Variants in GLDC observed in about 807,000 individuals in gnomAD.
GLDC encodes glycine dehydrogenase (decarboxylating), mitochondrial.
In GLDC, 104 loss-of-function variants were observed where a neutral mutation model predicts 121.3. That is an observed-to-expected ratio of 0.86 (90% CI 0.73 to 1.01). GLDC has a LOEUF of 1.01. Ranked by LOEUF, GLDC falls within the 50% of genes least tolerant of loss-of-function variation. The probability of loss-of-function intolerance (pLI) is 0.00; values close to 1 mark genes in which losing one functional copy is unlikely to be tolerated. For missense variants in GLDC, 1,429 were observed against 1,306.6 expected (o/e 1.09, Z -1.44); for synonymous variants, 546 against 480.6 (o/e 1.14, Z -1.78).
intron 22 of GLDC, 68 bp downstream of exon 22, chr9:6,539,983 C>G: frequency 1.0e-6 from 1 of 997,194 alleles, no homozygotes; most frequent in South Asian, 1.3e-5. Context: ...CCTGCATTTT[C>G]CATTTGTGCT....
chr9:6,566,583 C>T (rs945628656), intron 15 of GLDC: 1 of 152,118 alleles, frequency 6.6e-6, no homozygotes, highest in African/African-American at 2.4e-5. Context: ...CTGGAAGGCA[C>T]CACTTTCAGG....
intron 12 of GLDC, 76 bp from the exon 13 acceptor site, chr9:6,588,778 C>T: frequency 1.1e-6 from 1 of 883,198 alleles, no homozygotes; most frequent in Non-Finnish European, 1.9e-6. Context: ...ACATATAAGA[C>T]ACACCGAAAT....
chr9:6,601,604 T>C (rs767789793), intron 8 of GLDC, among the ~76,000 whole-genome samples: 8 of 151,804 alleles, frequency 5.3e-5, no homozygotes, highest in Non-Finnish European at 7.4e-5. Context: ...TAAAACACAG[T>C]GTCTTTTTCT....
At chr9:6,644,249 T>C (rs1819691940) in intron 2 of GLDC, among the ~76,000 whole-genome samples, 1 of 151,848 alleles carries the variant, frequency 6.6e-6, no homozygotes, top group African/African-American at 2.4e-5. Context: ...CTAGATCCTT[T>C]GAGTCTATCC....
intron 15 of GLDC, chr9:6,566,310 T>C (rs1052759089): frequency 2.0e-5 from 3 of 152,240 alleles, no homozygotes; most frequent in African/African-American, 4.8e-5. Flanking sequence ...TTTTTTCCTT[T>C]TTTTTTCCCT....
At chr9:6,555,644 T>C (rs1449099510) in intron 18 of GLDC, among the ~76,000 whole-genome samples, 6 of 151,684 alleles carry the variant, frequency 4.0e-5, no homozygotes, top group African/African-American at 1.2e-4. Context: ...TTAAAAAAAT[T>C]AGCTGGGTGT....
chr9:6,564,773 G>T (rs1007233906), intron 16 of GLDC, among the ~76,000 whole-genome samples: 1 of 152,242 alleles, frequency 6.6e-6, no homozygotes, highest in African/African-American at 2.4e-5. Context: ...GGTCCCCACA[G>T]TGGTCCCCAA....
intron 22 of GLDC, among the ~76,000 whole-genome samples, chr9:6,538,883 T>C (rs1404711942): frequency 6.6e-6 from 1 of 152,116 alleles, no homozygotes; most frequent in Non-Finnish European, 1.5e-5. Context: ...CAAGCAGAGA[T>C]CTTGAGGATG....
chr9:6,612,328 C>CT (rs1471083714), intron 3 of GLDC, among the ~76,000 whole-genome samples: 3 of 151,982 alleles, frequency 2.0e-5, no homozygotes, highest in Admixed American at 6.6e-5. Context: ...ATTTCAAAGT[C>CT]TCGATATTGT....
chr9:6,639,434 C>T, intron 2 of GLDC: 1 of 905,140 alleles, frequency 1.1e-6, no homozygotes, highest in African/African-American at 1.6e-5. Flanking sequence ...CACTTGTGTT[C>T]ATTGTGGATG....
chr9:6,548,582 C>T (rs920695478), intron 21 of GLDC, among the ~76,000 whole-genome samples: 1 of 152,150 alleles, frequency 6.6e-6, no homozygotes, highest in Non-Finnish European at 1.5e-5. Context: ...TAAGGTAAGA[C>T]CAGCCATTAA....
intron 16 of GLDC, among the ~76,000 whole-genome samples, chr9:6,563,925 G>A (rs1227153534): frequency 2.6e-5 from 4 of 151,938 alleles, no homozygotes; most frequent in African/African-American, 7.2e-5. Flanking sequence ...GAGCCCAGGA[G>A]TTCAAGGCTG....
At chr9:6,604,414 G>C (rs892072314) in intron 7 of GLDC, among the ~76,000 whole-genome samples, 174 bp downstream of exon 7, 1 of 152,168 alleles carries the variant, frequency 6.6e-6, no homozygotes, top group Non-Finnish European at 1.5e-5. Flanking sequence ...TATAGTATTT[G>C]AGAAGTACTA....
chr9:6,630,147 T>G (rs1405564663), intron 2 of GLDC, among the ~76,000 whole-genome samples: 2 of 151,438 alleles, frequency 1.3e-5, no homozygotes, highest in East Asian at 3.9e-4. Context: ...ATTGTGTATT[T>G]GTAATTAAAA....
intron 3 of GLDC, among the ~76,000 whole-genome samples, chr9:6,613,189 T>C (rs145862008): frequency 6.6e-6 from 1 of 152,376 alleles, no homozygotes; most frequent in African/African-American, 2.4e-5. Flanking sequence ...GATTATGTTA[T>C]ACATGTTCTT....
chr9:6,587,986 G>A (rs1017366393), intron 14 of GLDC, among the ~76,000 whole-genome samples: 24 of 152,024 alleles, frequency 1.6e-4, no homozygotes, highest in African/African-American at 5.8e-4. Flanking sequence ...CAAATCTTCT[G>A]TTGACTTGAA....
intron 8 of GLDC, 97 bp from the exon 9 acceptor site, chr9:6,595,216 C>A (rs1818468735): frequency 1.2e-6 from 1 of 839,658 alleles, no homozygotes; most frequent in Admixed American, 1.7e-5. Context: ...AAGACAGCGA[C>A]AAAACAAAAT....
intron 3 of GLDC, among the ~76,000 whole-genome samples, chr9:6,610,660 G>A (rs535368466): frequency 6.6e-6 from 1 of 152,260 alleles, no homozygotes; most frequent in East Asian, 1.9e-4. Flanking sequence ...GAGTGCAATA[G>A]CATGATCACG....
At chr9:6,604,556 CA>C in intron 7 of GLDC, 31 bp downstream of exon 7, 2 of 1,561,596 alleles carry the variant, frequency 1.3e-6, no homozygotes, top group South Asian at 1.1e-5. Context: ...ATCATAATCA[CA>C]ATAAAAGTAG....
Sources: gnomAD v4.1 joint callset for allele counts (sites outside exome capture counted in the v4.1 genomes callset) on GRCh38, gnomAD v4.1.1 for gene constraint, MANE v1.5 for transcripts, NCBI Gene and HGNC (gene_info 2026-07-23, HGNC 2026-07-21) for gene names.